The following GRID2 variants were observed in gnomAD, a reference collection of about 807,000 sequenced individuals.
The protein encoded by GRID2 is glutamate ionotropic receptor delta type subunit 2.
In GRID2, 33 loss-of-function variants were observed where a neutral mutation model predicts 114.8. The observed-to-expected ratio is 0.29, with a 90% confidence interval of 0.22 to 0.38. GRID2 has a LOEUF of 0.38. Among genes scored for constraint, GRID2 ranks in the 10% least tolerant of loss-of-function variants. The pLI is 1.00. For missense variants in GRID2, 1,184 were observed against 1,257.7 expected (o/e 0.94, Z 0.89); for synonymous variants, 505 against 449.9 (o/e 1.12, Z -1.55).
chr4:92,877,682 G>T (rs1350209298), intron 2 of GRID2, among the ~76,000 whole-genome samples: 1 of 152,102 alleles, frequency 6.6e-6, no homozygotes, highest in Admixed American at 6.5e-5. Flanking sequence ...ATTTCACAAA[G>T]AAGTTCATTA....
At chr4:92,657,242 T>A (rs993372117) in intron 2 of GRID2, among the ~76,000 whole-genome samples, 1 of 150,826 alleles carries the variant, frequency 6.6e-6, no homozygotes, top group African/African-American at 2.4e-5. Flanking sequence ...TCTGTGTGAA[T>A]CATTTACTTG....
intron 2 of GRID2, among the ~76,000 whole-genome samples, chr4:92,807,602 A>C (rs1683241387): frequency 6.6e-6 from 1 of 152,018 alleles, no homozygotes; most frequent in South Asian, 2.1e-4. Flanking sequence ...AAAAGAGATG[A>C]CCATGACATG....
intron 2 of GRID2, among the ~76,000 whole-genome samples, chr4:92,626,281 G>T (rs62307918): frequency 0.26 from 39,838 of 151,570 alleles, 5,212 homozygotes; most frequent in South Asian, 0.32. Context: ...CTTTAACAAG[G>T]TTTTAATCAT....
At chr4:93,732,020 A>G (rs1350045524) in intron 14 of GRID2, among the ~76,000 whole-genome samples, 1 of 152,214 alleles carries the variant, frequency 6.6e-6, no homozygotes, top group Non-Finnish European at 1.5e-5. Context: ...TATTTTTGAA[A>G]CTAAGGACAG....
intron 1 of GRID2, among the ~76,000 whole-genome samples, chr4:92,422,324 T>C (rs1731948025): frequency 6.6e-6 from 1 of 152,108 alleles, no homozygotes; most frequent in Admixed American, 6.6e-5. Context: ...GAGAACATTA[T>C]AGGCATGAAA....
At chr4:92,313,068 A>G (rs1333409720) in intron 1 of GRID2, among the ~76,000 whole-genome samples, 1 of 144,930 alleles carries the variant, frequency 6.9e-6, no homozygotes, top group Non-Finnish European at 1.5e-5. Flanking sequence ...TGAGTGGATA[A>G]AGAAACTCTG....
intron 11 of GRID2, among the ~76,000 whole-genome samples, chr4:93,464,381 C>G (rs1010816207): frequency 3.9e-5 from 6 of 152,056 alleles, no homozygotes; most frequent in African/African-American, 1.4e-4. Flanking sequence ...AAAACAAAGT[C>G]AACATGTTTT....
chr4:92,557,262 T>G (rs1485784936), intron 1 of GRID2, among the ~76,000 whole-genome samples: 1 of 151,938 alleles, frequency 6.6e-6, no homozygotes, highest in African/African-American at 2.4e-5. Flanking sequence ...AATTCTACTA[T>G]AGACACTTGT....
intron 2 of GRID2, among the ~76,000 whole-genome samples, chr4:92,818,302 C>CT (rs971562720): frequency 3.3e-5 from 5 of 151,980 alleles, no homozygotes; most frequent in African/African-American, 7.2e-5. Context: ...CAGATTCCTT[C>CT]TTTTTTTTGT....
chr4:92,802,581 A>T (rs1740226440), intron 2 of GRID2, among the ~76,000 whole-genome samples: 1 of 151,864 alleles, frequency 6.6e-6, no homozygotes, highest in Admixed American at 6.6e-5. Context: ...CCATTGAACC[A>T]ATTCCAGTTA....
chr4:92,912,498 A>T (rs1247227253), intron 2 of GRID2, among the ~76,000 whole-genome samples: 10 of 151,862 alleles, frequency 6.6e-5, no homozygotes, highest in Non-Finnish European at 1.5e-4. Context: ...TACAGAAAAA[A>T]AATGTTTATC....
chr4:92,709,024 T>C (rs1378673603), intron 2 of GRID2, among the ~76,000 whole-genome samples: 2 of 152,156 alleles, frequency 1.3e-5, no homozygotes, highest in African/African-American at 4.8e-5. Flanking sequence ...ACTCACAGGC[T>C]GAGAGTTGGT....
At chr4:92,884,036 C>T (rs543619717) in intron 2 of GRID2, among the ~76,000 whole-genome samples, 1 of 152,152 alleles carries the variant, frequency 6.6e-6, no homozygotes, top group East Asian at 1.9e-4. Context: ...CGTGCTTGTC[C>T]AGTATAAGGC....
chr4:92,490,110 T>C (rs542842283), intron 1 of GRID2, among the ~76,000 whole-genome samples: 2 of 152,302 alleles, frequency 1.3e-5, no homozygotes, highest in South Asian at 4.1e-4. Context: ...CATTTGGAAC[T>C]ACAAATTCTG....
chr4:93,399,989 T>C (rs1765719161), intron 9 of GRID2, among the ~76,000 whole-genome samples: 1 of 152,238 alleles, frequency 6.6e-6, no homozygotes, highest in South Asian at 2.1e-4. Context: ...TAAAATTTCA[T>C]ATGAGTGGCA....
At chr4:93,647,635 C>A (rs1722227201) in intron 14 of GRID2, among the ~76,000 whole-genome samples, 1 of 152,136 alleles carries the variant, frequency 6.6e-6, no homozygotes, top group Non-Finnish European at 1.5e-5. Flanking sequence ...CAAATCAGTT[C>A]ATCTTCTTAG....
chr4:92,972,206 T>G (rs1436239956), intron 2 of GRID2, among the ~76,000 whole-genome samples: 1 of 151,202 alleles, frequency 6.6e-6, no homozygotes, highest in African/African-American at 2.4e-5. Context: ...TGCTAGCATT[T>G]TTTTTTTTTT....
At chr4:93,512,010 C>T (rs1294102788) in intron 12 of GRID2, among the ~76,000 whole-genome samples, 1 of 151,904 alleles carries the variant, frequency 6.6e-6, no homozygotes, top group Non-Finnish European at 1.5e-5. Context: ...TGGTCTCGAA[C>T]TCCTGACCTC....
intron 8 of GRID2, among the ~76,000 whole-genome samples, chr4:93,250,767 T>A (rs1424067504): frequency 2.0e-5 from 3 of 147,578 alleles, no homozygotes; most frequent in Non-Finnish European, 3.0e-5. Context: ...TATATATATA[T>A]AAAAAAAGTG....
Sources: gnomAD v4.1 joint callset for allele counts (sites outside exome capture counted in the v4.1 genomes callset) on GRCh38, gnomAD v4.1.1 for gene constraint, MANE v1.5 for transcripts, NCBI Gene and HGNC (gene_info 2026-07-23, HGNC 2026-07-21) for gene names.